NOP16: variants seen among roughly 807,000 people sequenced by gnomAD.
NOP16 encodes nucleolar protein 16.
Under a neutral mutation model 22.7 loss-of-function variants are expected in NOP16, and 14 were observed. The observed-to-expected ratio is 0.62, with a 90% CI of 0.41 to 0.97. The LOEUF is 0.97. NOP16 is among the 50% of genes least tolerant of loss of function. NOP16 has a pLI of 0.00. For synonymous variants in NOP16, 80 were observed against 83.6 expected (o/e 0.96, Z 0.23); for missense variants, 198 against 235.9 (o/e 0.84, Z 1.05).
intron 2 of NOP16, among the ~76,000 whole-genome samples, chr5:176,387,186 T>G (rs1755928623): frequency 1.3e-5 from 2 of 151,980 alleles, no homozygotes; most frequent in South Asian, 4.2e-4. Context: ...GTTCAAGTGA[T>G]CTCCTGCCTC....
At chr5:176,385,392 T>A in intron 3 of NOP16, 65 bp from the exon 4 acceptor site, 1 of 978,054 alleles carries the variant, frequency 1.0e-6, no homozygotes, top group Non-Finnish European at 1.6e-6. Flanking sequence ...CTTTGAGCTG[T>A]CCAATCACCC....
chr5:176,384,571 G>A, intron 4 of NOP16, 197 bp from the exon 5 acceptor site: 1 of 595,560 alleles, frequency 1.7e-6, no homozygotes, highest in African/African-American at 1.9e-5. Context: ...AGGATCTCTT[G>A]AGCCCAGGAG....
chr5:176,388,366 C>A, intron 1 of NOP16, 23 bp from the exon 2 acceptor site: 1 of 1,613,038 alleles, frequency 6.2e-7, no homozygotes, highest in Middle Eastern at 1.6e-4. Context: ...AGAGACATCG[C>A]GGATCCGTCA....
chr5:176,386,807 A>C (rs752475384), intron 3 of NOP16, 33 bp downstream of exon 3: 67 of 1,588,592 alleles, frequency 4.2e-5, no homozygotes, highest in Middle Eastern at 1.7e-4. Context: ...AGTGCAGGAC[A>C]GTGACCTAAA....
intron 3 of NOP16, 120 bp from the exon 4 acceptor site, chr5:176,385,447 G>A (rs1755766705): frequency 3.1e-6 from 2 of 649,734 alleles, no homozygotes. Flanking sequence ...CCAACCACCT[G>A]GGGGTCTTTG....
rs1480617288 is a variant in NOP16 at position 176,384,340 on chromosome 5, T to C, written c.428A>G (p.Asp143Gly). Residue 143 changes from aspartate to glycine, a missense_variant, in exon 5 of 5, where the codon GAT becomes GGT. By Grantham distance (94) the Asp-to-Gly change is moderately conservative. Transcript: ENST00000614830. ...CTTACTCCGAATCTGTTTTGGGGTA[T>C]CTTGATAGTAATTCTTCTCATCACG... ...MARDEKNYYQ[D>G]TPKQIRSKIN... is the part of the protein sequence containing the mutation. 1 of 1,614,168 alleles carries C rather than the reference T, an allele frequency of 6.2e-7. No individual in the cohort carries two copies. Among genetic ancestry groups the C allele is most frequent in the Admixed American group, 1.7e-5 (1 of 60,026 alleles).
At chr5:176,384,473 G>C in intron 4 of NOP16, 99 bp from the exon 5 acceptor site, 3 of 1,234,186 alleles carry the variant, frequency 2.4e-6, no homozygotes, top group Non-Finnish European at 3.4e-6. Context: ...CTATCCCTGA[G>C]GTCCAGAATC....
intron 3 of NOP16, 171 bp downstream of exon 3, chr5:176,386,669 T>C (rs1329536083): frequency 1.4e-6 from 1 of 712,346 alleles, no homozygotes; most frequent in Non-Finnish European, 2.6e-6. Flanking sequence ...GTCAGTACAA[T>C]GAAAAATGAG....
intron 2 of NOP16, among the ~76,000 whole-genome samples, chr5:176,387,323 G>C (rs984752189): frequency 4.6e-5 from 7 of 152,168 alleles, no homozygotes; most frequent in Admixed American, 4.6e-4. Context: ...CAAGTAATCC[G>C]TCTGTGCCTT....
At position 176,384,214 on chromosome 5, in the gene NOP16, GC is replaced by G; in HGVS notation, c.*16del. ...CCGGGGGACGCCTCAGCCTGGGGCAGCTGTGATGTAAACCAGTCACTCCACC... is the reference window on the plus strand; with the variant it reads ...CCGGGGGACGCCTCAGCCTGGGGCAGTGTGATGTAAACCAGTCACTCCACC... On this transcript the variant is annotated 3_prime_UTR_variant, in exon 5 of 5. Transcript: ENST00000614830. The G allele has an allele frequency of 3.7e-6, 6 of 1,614,182 alleles. No individual in the cohort carries two copies. The highest frequency in any genetic ancestry group is 5.1e-6 in the Non-Finnish European group (6 of 1,180,050).
At chr5:176,387,886 CAAAGA>C (rs571244025) in intron 2 of NOP16, among the ~76,000 whole-genome samples, 20 of 152,166 alleles carry the variant, frequency 1.3e-4, no homozygotes, top group African/African-American at 4.8e-4. Flanking sequence ...GATTGAATAA[CAAAGA>C]AAAGGTGTAA....
chr5:176,384,575 C>T, intron 4 of NOP16: 1 of 587,590 alleles, frequency 1.7e-6, no homozygotes, highest in Non-Finnish European at 3.0e-6. Context: ...TCTCTTGAGC[C>T]CAGGAGTTCC....
At position 176,384,108 on chromosome 5, in the gene NOP16, C is replaced by G. The variant is rs1324393683; in HGVS notation, c.*123G>C. On this transcript the variant is annotated 3_prime_UTR_variant, in exon 5 of 5. Coordinates refer to ENST00000614830, the MANE Select transcript of NOP16 (RefSeq NM_016391.8). ...AGTGTGCACGTGTGTGTGTAACCTTCTGATTCCATGGGACCTGGCCAGCTC... is the reference window on the plus strand; with the variant it reads ...AGTGTGCACGTGTGTGTGTAACCTTGTGATTCCATGGGACCTGGCCAGCTC... 1 of 1,607,846 alleles carries G rather than the reference C, an allele frequency of 6.2e-7. No homozygotes were observed. The highest frequency in any genetic ancestry group is 8.5e-7 in the Non-Finnish European group (1 of 1,179,534).
intron 3 of NOP16, chr5:176,386,476 C>T (rs1755853134): frequency 2.8e-6 from 1 of 358,260 alleles, no homozygotes; most frequent in Non-Finnish European, 5.5e-6. Flanking sequence ...TACATAAAAT[C>T]GATTTTGTCA....
Position 176,388,470 on chromosome 5 carries a change from G to C in NOP16, c.70C>G (p.Arg24Gly). 6.2e-7 allele frequency: 1 copy of C among 1,614,198 alleles called. No individual in the cohort carries two copies. The highest frequency in any genetic ancestry group is 1.1e-5 in the South Asian group (1 of 91,088). The change falls in exon 1 of 5, where the codon CGG becomes GGG. Residue 24 changes from arginine to glycine, a missense_variant. Arg to Gly is a moderately radical substitution (Grantham distance 125). Coordinates refer to ENST00000614830, the MANE Select transcript of NOP16 (RefSeq NM_016391.8). ...GGCGCTGCCTTCCGTCGAGCATTCC[G>C]GTTCAGACGCTTTCGGTTGACACTG... ...GYSVNRKRLN[R>G]NARRKAAPRI...
intron 3 of NOP16, 25 bp from the exon 4 acceptor site, chr5:176,385,352 G>A (rs1358218054): frequency 7.5e-7 from 1 of 1,335,232 alleles, no homozygotes; most frequent in East Asian, 2.3e-5. Context: ...GAAGCGGGGA[G>A]ACAGGGAATG....
chr5:176,384,242 C>T lies in NOP16; in HGVS notation c.526G>A (p.Glu176Lys). The change falls in exon 5 of 5, where the codon GAG (glutamate) becomes AAG (lysine). Residue 176 changes from glutamate (E) to lysine (K), a missense_variant. By Grantham distance (56) the Glu-to-Lys change is moderately conservative (BLOSUM62 1). Coordinates refer to ENST00000614830, the MANE Select transcript of NOP16 (RefSeq NM_016391.8). Reference sequence around the variant, plus strand: ...GTGATGTAAACCAGTCACTCCACCTCCATCTTCCTCTTCTGCAAAGAATCG... The same window carrying T: ...GTGATGTAAACCAGTCACTCCACCTTCATCTTCCTCTTCTGCAAAGAATCG... The part of the protein sequence containing the change: ...FLDSLQKRKM[E>K]VE 1.2e-6 allele frequency: 2 copies of T among 1,614,236 alleles called. No homozygotes were observed. The highest frequency in any genetic ancestry group is 1.7e-6 in the Non-Finnish European group (2 of 1,180,052).
chr5:176,385,302 T>C lies in NOP16; in HGVS notation c.312A>G (p.Pro104=). The C allele has an allele frequency of 6.2e-7, 1 of 1,611,630 alleles. No homozygotes were observed. Among genetic ancestry groups the C allele is most frequent in the Non-Finnish European group, 8.5e-7 (1 of 1,177,688 alleles). ...LNDLEAEASL[P]EKKGNTLSRD... ...GAGACAGAGTATTTCCTTTCTTTTC[T>C]GGAAGGCTGGCTTCTGCCTCCAGGT... Residue 104 remains proline (P), a synonymous_variant, in exon 4 of 5, where the codon CCA becomes CCG. Coordinates refer to ENST00000614830, the MANE Select transcript of NOP16 (RefSeq NM_016391.8).
chr5:176,386,955 G>T, intron 2 of NOP16, 46 bp from the exon 3 acceptor site: 2 of 1,521,316 alleles, frequency 1.3e-6, no homozygotes, highest in Non-Finnish European at 1.8e-6. Flanking sequence ...TTTGATGAGG[G>T]AAAGTTATAG....
Sources: allele counts gnomAD v4.1 joint callset (sites outside exome capture counted in the v4.1 genomes callset), GRCh38; gene constraint gnomAD v4.1.1; transcripts MANE v1.5; gene names NCBI Gene and HGNC (gene_info 2026-07-23, HGNC 2026-07-21).